The following DPP8 variants were observed in gnomAD, a reference collection of about 807,000 sequenced individuals.
DPP8 encodes DPP VIII.
DPP8 carries 31 observed loss-of-function variants against 107.5 expected under a neutral mutation model. The ratio of observed to expected loss-of-function variants is 0.29; its 90% CI spans 0.22 to 0.39. DPP8 has a LOEUF of 0.39. Ranked by LOEUF, DPP8 falls within the 10% of genes least tolerant of loss-of-function variation. DPP8 has a pLI of 1.00. For missense variants in DPP8, 842 were observed against 1,076.1 expected (o/e 0.78, Z 3.04); for synonymous variants, 381 against 356.6 (o/e 1.07, Z -0.77).
chr15:65,471,340 G>GA (rs2065878359), intron 12 of DPP8, among the ~76,000 whole-genome samples: 1 of 152,074 alleles, frequency 6.6e-6, no homozygotes. Flanking sequence ...TTGATACCCT[G>GA]AAGTTTTTGT....
At chr15:65,482,723 C>T (rs1476296826) in intron 8 of DPP8, among the ~76,000 whole-genome samples, 1 of 152,014 alleles carries the variant, frequency 6.6e-6, no homozygotes. Flanking sequence ...ATATACATGG[C>T]TAATAAACAC....
intron 5 of DPP8, among the ~76,000 whole-genome samples, chr15:65,495,497 A>G (rs2068491851): frequency 6.6e-6 from 1 of 151,964 alleles, no homozygotes. Flanking sequence ...CCAGCTACTC[A>G]GGAGGCTGAG....
intron 12 of DPP8, among the ~76,000 whole-genome samples, chr15:65,472,468 ATT>A (rs1009947406): frequency 5.3e-5 from 8 of 151,698 alleles, no homozygotes; most frequent in African/African-American, 1.9e-4. Context: ...TAATTTTTTT[ATT>A]TTTTATTTTT....
intron 11 of DPP8, 41 bp from the exon 12 acceptor site, chr15:65,474,329 A>G: frequency 1.4e-6 from 2 of 1,382,964 alleles, no homozygotes; most frequent in African/African-American, 1.4e-5. Flanking sequence ...ATTATACCAG[A>G]CTATAAGCAA....
At position 65,466,703 on chromosome 15, in the gene DPP8, A is replaced by G; in HGVS notation, c.1800T>C (p.Phe600=). 1.2e-6 allele frequency: 2 copies of G among 1,614,164 alleles called. No homozygotes were observed. Among genetic ancestry groups the G allele is most frequent in the South Asian group, 2.2e-5 (2 of 91,090 alleles). ...EDDPTCKTKE[F]WATILDSAGP... ...CTGCTGAATCCAAAATGGTGGCCCA[A>G]AATTCCTTTGTTTTGCAAGTTGGGT... The change falls in exon 14 of 20, where the codon TTT becomes TTC. Residue 600 remains phenylalanine, a synonymous_variant. Transcript: ENST00000300141.
rs535500552 is a variant in DPP8 at position 65,458,287 on chromosome 15, G to C, written c.1972-1916C>G. ...AACTTTTTTTGTTTTTTGAAATGTA[G>C]TCTTGCTCTGTCACCCAGGCAGGAG... On this transcript the variant is annotated intron_variant, in intron 15 of 19. Coordinates refer to ENST00000300141, the MANE Select transcript of DPP8 (RefSeq NM_130434.5). Among the ~76,000 whole-genome samples, 19 of 152,182 alleles carry C rather than the reference G, an allele frequency of 1.2e-4. No individual in the cohort carries two copies. In the East Asian group the frequency reaches 3.7e-3, roughly 29 times the overall value.
chr15:65,456,166 A>G lies in DPP8; in HGVS notation c.2118+59T>C, dbSNP rs569061624. ...AACTCTCTTTCAAGGGTTTCACACC[A>G]AACAATGGACCAGAAAATGTAAATG... On this transcript the variant is annotated intron_variant, in intron 16 of 19. Transcript: ENST00000300141. The G allele has an allele frequency of 1.5e-5, 24 of 1,572,500 alleles. No individual in the cohort carries two copies. In the African/African-American group the frequency reaches 3.0e-4, roughly 20 times the overall value.
In DPP8 at chr15:65,489,619, G is replaced by T. The variant is rs576017882; in HGVS notation, c.826+570C>A. 1.3e-3 allele frequency among the ~76,000 whole-genome samples: 186 copies of T among 146,844 alleles called. 5 individuals carry two copies. Among genetic ancestry groups the T allele is most frequent in the African/African-American group, 4.4e-3 (173 of 39,732 alleles). On this transcript the variant is annotated intron_variant, in intron 6 of 19. Transcript: ENST00000300141. ...TTTTTGAGTAGAGGCAGGGTTTCAC[G>T]GTGTTAGCCAGGATGGTCTCGATCT... is the stretch of plus-strand genomic sequence containing the variant.
At chr15:65,484,254 A>C (rs1054409202) in intron 8 of DPP8, among the ~76,000 whole-genome samples, 1 of 151,634 alleles carries the variant, frequency 6.6e-6, no homozygotes, top group Non-Finnish European at 1.5e-5. Context: ...TGAACCCAGA[A>C]GGCAGAGGCT....
Position 65,480,403 on chromosome 15 carries a change from T to A in DPP8, c.1119-4A>T. 1.9e-6 allele frequency: 3 copies of A among 1,588,334 alleles called. No homozygotes were observed. In the African/African-American group the frequency reaches 4.1e-5, roughly 22 times the overall value. On this transcript the variant is annotated splice_region_variant and splice_polypyrimidine_tract_variant and intron_variant, in intron 9 of 19. Coordinates refer to ENST00000300141, the MANE Select transcript of DPP8 (RefSeq NM_130434.5). ...ATCTAGTAGGATGGACCAAGCACTA[T>A]TTAAATAAATAAAAGAGAAGAACCA...
chr15:65,449,566 C>T (rs1201271826), intron 19 of DPP8, among the ~76,000 whole-genome samples: 3 of 151,942 alleles, frequency 2.0e-5, no homozygotes, highest in Non-Finnish European at 4.4e-5. Context: ...TGCACCACCA[C>T]ACCTAGCTAA....
chr15:65,470,822 A>G (rs2065819552), intron 12 of DPP8, among the ~76,000 whole-genome samples: 1 of 151,810 alleles, frequency 6.6e-6, no homozygotes, highest in South Asian at 2.1e-4. Flanking sequence ...GGGAGGCTGA[A>G]ACAGGAGAAC....
intron 2 of DPP8, 47 bp downstream of exon 2, chr15:65,512,248 T>A (rs1263046121): frequency 6.4e-7 from 1 of 1,551,658 alleles, no homozygotes; most frequent in African/African-American, 1.4e-5. Context: ...ACTTTAAGTT[T>A]GACTTAAGAG....
At position 65,446,454 on chromosome 15, in the gene DPP8, G is replaced by C. The variant is rs1436253536; in HGVS notation, c.*430C>G. 6.5e-6 allele frequency: 1 copy of C among 152,798 alleles called. No homozygotes were observed. Among genetic ancestry groups the C allele is most frequent in the African/African-American group, 2.4e-5 (1 of 41,558 alleles). The allele number at this position is 152,798 out of a possible 1,614,324, so 9.5% of individuals were successfully genotyped here. A position where few individuals can be genotyped will look rare whatever the true frequency, so the allele number is the denominator to read the frequency against. Reference sequence around the variant, plus strand: ...ATTACATTTAAGTGCTATCAAATCTGTAACTAGTCAAAGATTCTGGAACTG... The same window carrying C: ...ATTACATTTAAGTGCTATCAAATCTCTAACTAGTCAAAGATTCTGGAACTG... On this transcript the variant is annotated 3_prime_UTR_variant, in exon 20 of 20. Transcript: ENST00000300141.
At chr15:65,495,959 A>G (rs561017298) in intron 5 of DPP8, among the ~76,000 whole-genome samples, 2 of 151,942 alleles carry the variant, frequency 1.3e-5, no homozygotes, top group South Asian at 2.1e-4. Flanking sequence ...AACCTGTAAC[A>G]TATCTGTTAA....
At chr15:65,496,963 A>C (rs2068664937) in intron 5 of DPP8, among the ~76,000 whole-genome samples, 1 of 151,902 alleles carries the variant, frequency 6.6e-6, no homozygotes, top group Admixed American at 6.6e-5. Context: ...AGTCTCAGCT[A>C]ACTGCAACCT....
intron 16 of DPP8, chr15:65,455,770 T>A (rs916775162): frequency 8.5e-6 from 11 of 1,287,792 alleles, no homozygotes; most frequent in Non-Finnish European, 1.1e-5. Flanking sequence ...AAAAGGAACA[T>A]CGGATTCTCA....
chr15:65,468,284 T>C (rs1439754999), intron 12 of DPP8, among the ~76,000 whole-genome samples: 1 of 152,064 alleles, frequency 6.6e-6, no homozygotes, highest in Non-Finnish European at 1.5e-5. Flanking sequence ...CGTTTGAGCT[T>C]AGGAGTTTGA....
chr15:65,454,858 A>G (rs1383022993), intron 16 of DPP8, among the ~76,000 whole-genome samples: 1 of 152,046 alleles, frequency 6.6e-6, no homozygotes, highest in African/African-American at 2.4e-5. Context: ...TTTATTACCA[A>G]CTGAGATTCT....
Sources: gnomAD v4.1 joint callset for allele counts (sites outside exome capture counted in the v4.1 genomes callset) on GRCh38, gnomAD v4.1.1 for gene constraint, MANE v1.5 for transcripts, NCBI Gene and HGNC (gene_info 2026-07-23, HGNC 2026-07-21) for gene names.